DNAH14: variants seen among roughly 807,000 people sequenced by gnomAD.
The protein encoded by DNAH14 is axonemal beta dynein heavy chain 14.
In DNAH14, 478 loss-of-function variants were observed where a neutral mutation model predicts 520.9. That is an observed-to-expected ratio of 0.92 (90% CI 0.85 to 0.99). DNAH14 has a LOEUF of 0.99. Ranked by LOEUF, DNAH14 falls within the 50% of genes least tolerant of loss-of-function variation. DNAH14 has a pLI of 0.00. For synonymous variants in DNAH14, 1,581 were observed against 1,757.2 expected, an observed-to-expected ratio of 0.90 and a Z score of 2.51; for missense variants, 4,831 against 5,234.5, an observed-to-expected ratio of 0.92 and a Z score of 2.38.
At position 225,340,615 on chromosome 1, in the gene DNAH14, C is replaced by G; in HGVS notation, c.10592C>G (p.Ser3531Cys). ...GTTCCTCATTTAGAAGATCAACGTTCCAAGTTACTGGAGAGTATTTCCCTT... is the reference window on the plus strand; with the variant it reads ...GTTCCTCATTTAGAAGATCAACGTTGCAAGTTACTGGAGAGTATTTCCCTT... Reference protein sequence around the residue: ...HEVPHLEDQRSKLLESISLDA... With the variant: ...HEVPHLEDQRCKLLESISLDA... Residue 3531 changes from serine (S) to cysteine (C), a missense_variant, in exon 69 of 86, where the codon TCC (serine) becomes TGC (cysteine). Ser to Cys is a moderately radical substitution (Grantham distance 112). Transcript: ENST00000682510. The G allele has an allele frequency of 2.6e-6, 4 of 1,551,394 alleles. No homozygotes were observed. Among genetic ancestry groups the G allele is most frequent in the Non-Finnish European group, 3.5e-6 (4 of 1,146,872 alleles).
chr1:225,107,277 G>C (rs2076139352), intron 23 of DNAH14, among the ~76,000 whole-genome samples: 1 of 152,210 alleles, frequency 6.6e-6, no homozygotes, highest in Non-Finnish European at 1.5e-5. Flanking sequence ...TGAGGTGTCA[G>C]TCTGCCCCTA....
intron 1 of DNAH14, among the ~76,000 whole-genome samples, chr1:224,932,916 CT>C (rs1171353331): frequency 6.6e-6 from 1 of 151,892 alleles, no homozygotes; most frequent in African/African-American, 2.4e-5. Flanking sequence ...TATTCAGGCT[CT>C]TTTTTTATTC....
rs1246486999 is a variant in DNAH14, at chr1:225,205,188, T to C, written c.5978-783T>C. On this transcript the variant is annotated intron_variant, in intron 39 of 85. Coordinates refer to ENST00000682510, the MANE Select transcript of DNAH14 (RefSeq NM_001367479.1). The stretch of plus-strand genomic sequence containing the variant: ...TCTAAAGGTTTGTGTCCCTCCAAAA[T>C]CCATGTGTTGAAATTCTAACTCCCA... 2.6e-5 allele frequency among the ~76,000 whole-genome samples: 4 copies of C among 152,164 alleles called. No homozygotes were observed. In the East Asian group the frequency reaches 7.7e-4, roughly 29 times the overall value.
chr1:225,312,439 T>G (rs2094387473), intron 60 of DNAH14, among the ~76,000 whole-genome samples: 1 of 152,170 alleles, frequency 6.6e-6, no homozygotes, highest in South Asian at 2.1e-4. Flanking sequence ...AATTTATTTC[T>G]TTCTCTCGCC....
intron 36 of DNAH14, among the ~76,000 whole-genome samples, chr1:225,183,118 G>C (rs2084249544): frequency 1.3e-5 from 2 of 152,224 alleles, no homozygotes. Context: ...CCTAGTACCA[G>C]CTCTGCCATT....
intron 35 of DNAH14, among the ~76,000 whole-genome samples, chr1:225,161,858 A>G (rs2081550835): frequency 6.6e-6 from 1 of 152,006 alleles, no homozygotes; most frequent in African/African-American, 2.4e-5. Flanking sequence ...GGATTATTAG[A>G]TTTGCTCCTA....
At chr1:225,153,039 A>T (rs947588085) in intron 33 of DNAH14, among the ~76,000 whole-genome samples, 156 bp downstream of exon 33, 1 of 152,162 alleles carries the variant, frequency 6.6e-6, no homozygotes, top group Admixed American at 6.5e-5. Flanking sequence ...TTCCATCAAC[A>T]TATAAAGTCC....
intron 47 of DNAH14, 138 bp downstream of exon 47, chr1:225,264,399 C>A (rs1003592821): frequency 1.0e-5 from 8 of 772,744 alleles, no homozygotes; most frequent in African/African-American, 1.8e-5. Flanking sequence ...CAAAAACTAT[C>A]CCACACCCTC....
intron 41 of DNAH14, among the ~76,000 whole-genome samples, chr1:225,220,210 G>A (rs1421023925): frequency 6.6e-6 from 1 of 152,180 alleles, no homozygotes; most frequent in Non-Finnish European, 1.5e-5. Context: ...CATACTGAAT[G>A]AGCAAAAGCT....
At chr1:225,011,297 T>C (rs1336894083) in intron 10 of DNAH14, among the ~76,000 whole-genome samples, 1 of 152,248 alleles carries the variant, frequency 6.6e-6, no homozygotes, top group Non-Finnish European at 1.5e-5. Context: ...TGGTATGTTA[T>C]GTCTTTGTTC....
At position 225,370,315 on chromosome 1, in the gene DNAH14, G is replaced by A. The variant is rs200012317; in HGVS notation, c.12318+2283G>A. Among the ~76,000 whole-genome samples the A allele has an allele frequency of 4.0e-5, 6 of 150,132 alleles. No individual in the cohort carries two copies. The East Asian group carries it at 9.8e-4, about 25-fold the overall frequency. ...AAAACAAACAAACAAAAAAAACACG[G>A]GAAATCACAGCCTGTGCAATATAGA... On this transcript the variant is annotated intron_variant, in intron 77 of 85. Coordinates refer to ENST00000682510, the MANE Select transcript of DNAH14 (RefSeq NM_001367479.1).
At chr1:224,998,507 C>T (rs1361941907) in intron 8 of DNAH14, among the ~76,000 whole-genome samples, 1 of 152,096 alleles carries the variant, frequency 6.6e-6, no homozygotes, top group Non-Finnish European at 1.5e-5. Flanking sequence ...TTCCTCGAGT[C>T]TTTCTCTTTG....
At chr1:225,308,660 G>A (rs542607319) in intron 60 of DNAH14, among the ~76,000 whole-genome samples, 1 of 152,302 alleles carries the variant, frequency 6.6e-6, no homozygotes, top group South Asian at 2.1e-4. Context: ...AAGCTTTTCT[G>A]ATTACAATGA....
chr1:224,932,823 G>T (rs1571837916), intron 1 of DNAH14, among the ~76,000 whole-genome samples: 1 of 152,072 alleles, frequency 6.6e-6, no homozygotes, highest in African/African-American at 2.4e-5. Flanking sequence ...TGCAGTTTGG[G>T]TTATTATAGC....
chr1:225,153,701 AT>A (rs1319345888), intron 33 of DNAH14, 48 bp from the exon 34 acceptor site: 12 of 1,363,788 alleles, frequency 8.8e-6, no homozygotes, highest in Non-Finnish European at 1.1e-5. Context: ...TTGTTTTCAT[AT>A]TTTTTCTTTA....
At chr1:225,083,243 AT>A (rs1369083225) in intron 20 of DNAH14, among the ~76,000 whole-genome samples, 1 of 152,054 alleles carries the variant, frequency 6.6e-6, no homozygotes, top group Admixed American at 6.6e-5. Flanking sequence ...AAAACTTTCT[AT>A]TTTTATGTCT....
intron 60 of DNAH14, among the ~76,000 whole-genome samples, chr1:225,311,437 G>A (rs759928784): frequency 2.0e-4 from 31 of 152,250 alleles, no homozygotes; most frequent in Non-Finnish European, 3.7e-4. Context: ...TTGCTGTGCG[G>A]AAGCTCTTTA....
At chr1:225,050,664 A>G (rs2068451946) in intron 16 of DNAH14, among the ~76,000 whole-genome samples, 1 of 152,156 alleles carries the variant, frequency 6.6e-6, no homozygotes, top group Admixed American at 6.5e-5. Context: ...ATTAGCATCA[A>G]CTGGGTATTT....
At chr1:225,049,676 G>A (rs1346980954) in intron 15 of DNAH14, among the ~76,000 whole-genome samples, 3 of 151,956 alleles carry the variant, frequency 2.0e-5, no homozygotes, top group African/African-American at 4.8e-5. Context: ...ATGGATTTGT[G>A]TTTTATATTT....
Sources: allele counts gnomAD v4.1 joint callset (sites outside exome capture counted in the v4.1 genomes callset), GRCh38; gene constraint gnomAD v4.1.1; transcripts MANE v1.5; gene names NCBI Gene and HGNC (gene_info 2026-07-23, HGNC 2026-07-21).